PPP3CC: variants seen among roughly 807,000 people sequenced by gnomAD.
PPP3CC encodes the protein protein phosphatase 3 catalytic subunit gamma.
In PPP3CC, 35 loss-of-function variants were observed where a neutral mutation model predicts 60.3. The ratio of observed to expected loss-of-function variants is 0.58; its 90% CI spans 0.44 to 0.77. PPP3CC has a LOEUF of 0.77. PPP3CC is among the 30% of genes least tolerant of loss of function. The pLI is 0.00. For synonymous variants in PPP3CC, 206 were observed against 224.3 expected (o/e 0.92, Z 0.73); for missense variants, 570 against 628.9 (o/e 0.91, Z 1.00).
At chr8:22,458,458 C>T (rs967412910) in intron 1 of PPP3CC, among the ~76,000 whole-genome samples, 19 of 151,706 alleles carry the variant, frequency 1.3e-4, no homozygotes, top group African/African-American at 4.4e-4. Context: ...ATTAGCTGGC[C>T]GTGGTGGTTC....
chr8:22,459,240 T>C (rs6996872), intron 1 of PPP3CC, among the ~76,000 whole-genome samples: 84,550 of 152,012 alleles, frequency 0.56, 24,725 homozygotes, highest in African/African-American at 0.74. Flanking sequence ...GCCCAGACCA[T>C]TTTAGTGATT....
Position 22,499,828 on chromosome 8 carries a change from C to A in PPP3CC, c.484+1716C>A, listed in dbSNP as rs187314006. On this transcript the variant is annotated intron_variant, in intron 4 of 13. Transcript: ENST00000240139. Reference sequence around the variant, plus strand: ...TCTAGTTGCTTTTCTAAATCATAATCTCATCATTTTACCCTCATACCCTGT... The same window carrying A: ...TCTAGTTGCTTTTCTAAATCATAATATCATCATTTTACCCTCATACCCTGT... Among the ~76,000 whole-genome samples the A allele has an allele frequency of 2.3e-3, 344 of 152,286 alleles. 2 individuals carry two copies. The highest frequency in any genetic ancestry group is 7.9e-3 in the African/African-American group (327 of 41,552).
chr8:22,454,295 T>C (rs762878291), intron 1 of PPP3CC, among the ~76,000 whole-genome samples: 1 of 152,204 alleles, frequency 6.6e-6, no homozygotes, highest in African/African-American at 2.4e-5. Context: ...GGATGATCAA[T>C]GTCACTGTCT....
At chr8:22,487,804 A>G (rs1436175741) in intron 3 of PPP3CC, among the ~76,000 whole-genome samples, 1 of 152,234 alleles carries the variant, frequency 6.6e-6, no homozygotes, top group African/African-American at 2.4e-5. Flanking sequence ...TCAGATGAGC[A>G]GGTGATATAA....
chr8:22,508,473 A>G (rs1838990451), intron 4 of PPP3CC, among the ~76,000 whole-genome samples: 1 of 152,176 alleles, frequency 6.6e-6, no homozygotes, highest in South Asian at 2.1e-4. Flanking sequence ...TCACATATTA[A>G]TATAACATGA....
chr8:22,484,016 T>G (rs1318485238), intron 3 of PPP3CC, among the ~76,000 whole-genome samples: 3 of 152,030 alleles, frequency 2.0e-5, no homozygotes, highest in African/African-American at 7.2e-5. Context: ...TAATTTTTTT[T>G]TTTTTAATTT....
At position 22,504,556 on chromosome 8, in the gene PPP3CC, C is replaced by T. The variant is rs145101009; in HGVS notation, c.484+6444C>T. Among the ~76,000 whole-genome samples the T allele has an allele frequency of 8.3e-3, 1,262 of 152,252 alleles. 17 individuals carry two copies. The highest frequency in any genetic ancestry group is 0.027 in the African/African-American group (1,107 of 41,552). The stretch of plus-strand genomic sequence containing the variant: ...CAAAGGATCCTTCCGCCTTAGCCTC[C>T]CAGAGTGCTGAGATTACAGATGTGA... On this transcript the variant is annotated intron_variant, in intron 4 of 13. Coordinates refer to ENST00000240139, the MANE Select transcript of PPP3CC (RefSeq NM_005605.5).
intron 12 of PPP3CC, among the ~76,000 whole-genome samples, chr8:22,538,293 A>G (rs1839888095): frequency 6.6e-6 from 1 of 152,286 alleles, no homozygotes; most frequent in Non-Finnish European, 1.5e-5. Flanking sequence ...CCCACTTCCT[A>G]ACAGTTACAT....
intron 1 of PPP3CC, among the ~76,000 whole-genome samples, chr8:22,451,695 A>T (rs1837032177): frequency 6.6e-6 from 1 of 152,234 alleles, no homozygotes; most frequent in South Asian, 2.1e-4. Flanking sequence ...CCAGGCAACC[A>T]CAGATTGACC....
intron 1 of PPP3CC, among the ~76,000 whole-genome samples, chr8:22,460,037 T>C (rs1837321001): frequency 6.6e-6 from 1 of 152,156 alleles, no homozygotes; most frequent in Admixed American, 6.5e-5. Flanking sequence ...GTCTATATAG[T>C]ATAACTGATT....
At chr8:22,508,675 A>G (rs1205987660) in intron 4 of PPP3CC, among the ~76,000 whole-genome samples, 3 of 152,188 alleles carry the variant, frequency 2.0e-5, no homozygotes, top group African/African-American at 2.4e-5. Flanking sequence ...TGAAATTCCT[A>G]CCTCTATTCA....
chr8:22,524,087 G>A (rs1839478243), intron 8 of PPP3CC, among the ~76,000 whole-genome samples: 1 of 152,024 alleles, frequency 6.6e-6, no homozygotes, highest in Non-Finnish European at 1.5e-5. Context: ...TAAGGAAAAT[G>A]GATATTAAAG....
At chr8:22,478,480 G>C (rs1256778070) in intron 3 of PPP3CC, among the ~76,000 whole-genome samples, 1 of 152,154 alleles carries the variant, frequency 6.6e-6, no homozygotes, top group African/African-American at 2.4e-5. Flanking sequence ...AAATTATTAT[G>C]CCAAATTATC....
intron 1 of PPP3CC, among the ~76,000 whole-genome samples, chr8:22,468,778 A>G (rs928011106): frequency 6.6e-6 from 1 of 152,236 alleles, no homozygotes; most frequent in South Asian, 2.1e-4. Context: ...TAAATAGAGA[A>G]AGTATGACAA....
chr8:22,450,818 T>TATTC (rs1836995013), intron 1 of PPP3CC, among the ~76,000 whole-genome samples: 2 of 146,090 alleles, frequency 1.4e-5, no homozygotes, highest in Admixed American at 1.4e-4. Flanking sequence ...TTTATTTATT[T>TATTC]ATTTATTTAT....
intron 5 of PPP3CC, 126 bp downstream of exon 5, chr8:22,511,357 T>G (rs1839082462): frequency 1.9e-6 from 2 of 1,041,556 alleles, no homozygotes; most frequent in South Asian, 3.2e-5. Flanking sequence ...TGGTGCTATC[T>G]CAGCTCACTG....
Position 22,531,229 on chromosome 8 carries a change from A to G in PPP3CC, c.1142-996A>G. ...ACTTTGATTTTTTTTTCTCTTTTCC[A>G]TGTAAACATAAATTTCTCTTCTCAT... On this transcript the variant is annotated intron_variant, in intron 10 of 13. Coordinates refer to ENST00000240139, the MANE Select transcript of PPP3CC (RefSeq NM_005605.5). 1.1e-5 allele frequency: 15 copies of G among 1,392,398 alleles called. No homozygotes were observed. The South Asian group carries it at 1.6e-4, about 15-fold the overall frequency. The allele number at this position is 1,392,398 out of a possible 1,614,324, so 86.3% of individuals were successfully genotyped here.
At chr8:22,493,376 C>T (rs1023271768) in intron 3 of PPP3CC, among the ~76,000 whole-genome samples, 4 of 132,240 alleles carry the variant, frequency 3.0e-5, no homozygotes, top group Non-Finnish European at 5.0e-5. Context: ...CCTAGTATAC[C>T]AAAAAAAAAA....
At chr8:22,531,135 G>A (rs1247349484) in intron 10 of PPP3CC, among the ~76,000 whole-genome samples, 12 of 152,150 alleles carry the variant, frequency 7.9e-5, no homozygotes, top group Admixed American at 7.2e-4. Context: ...ATTTAATGTT[G>A]TATCATGATT....
Sources: allele counts gnomAD v4.1 joint callset (sites outside exome capture counted in the v4.1 genomes callset), GRCh38; gene constraint gnomAD v4.1.1; transcripts MANE v1.5; gene names NCBI Gene and HGNC (gene_info 2026-07-23, HGNC 2026-07-21).